Variants in MACROD2 observed in about 807,000 individuals in gnomAD.
MACROD2 encodes mono-ADP ribosylhydrolase 2.
Under a neutral mutation model 70.4 loss-of-function variants are expected in MACROD2, and 36 were observed. That is an observed-to-expected ratio of 0.51 (90% CI 0.39 to 0.68). The LOEUF (loss-of-function observed/expected upper bound fraction) is 0.68, where lower values mean the gene tolerates loss of function less well. Among genes scored for constraint, MACROD2 ranks in the 30% least tolerant of loss-of-function variants. MACROD2 has a pLI of 0.00. For missense variants in MACROD2, 496 were observed against 538.4 expected (o/e 0.92, Z 0.78); for synonymous variants, 172 against 178.8 (o/e 0.96, Z 0.30).
chr20:14,936,022 A>T (rs1474322177), intron 5 of MACROD2, among the ~76,000 whole-genome samples: 1 of 152,164 alleles, frequency 6.6e-6, no homozygotes, highest in African/African-American at 2.4e-5. Flanking sequence ...GGAATACCAT[A>T]AGGTACAAGA....
In MACROD2 at chr20:15,499,836, A is replaced by G. The variant is rs2047343124; in HGVS notation, c.634A>G (p.Asn212Asp). 7 of 1,613,676 alleles carry G rather than the reference A, an allele frequency of 4.3e-6. No individual in the cohort carries two copies. In the African/African-American group the frequency reaches 5.3e-5, roughly 12 times the overall value. Residue 212 changes from asparagine (N) to aspartate (D), a missense_variant, in exon 8 of 18, where the codon AAT (asparagine) becomes GAT (aspartate). Transcript: ENST00000684519. ...LNTIKEWLAKNHHEVDRIIFC... is the reference protein window; with the variant it reads ...LNTIKEWLAKDHHEVDRIIFC... ...CACCATTAAGGAATGGCTTGCCAAG[A>G]ATCACCATGAGGTAGGAGGAACGAC... is the stretch of plus-strand genomic sequence containing the variant.
At chr20:14,452,802 A>G (rs919878430) in intron 3 of MACROD2, among the ~76,000 whole-genome samples, 7 of 152,150 alleles carry the variant, frequency 4.6e-5, no homozygotes, top group Non-Finnish European at 1.0e-4. Flanking sequence ...GATTTGCCTG[A>G]AAGTAAAGAG....
At chr20:14,367,217 A>G (rs763780399) in intron 3 of MACROD2, among the ~76,000 whole-genome samples, 1 of 152,220 alleles carries the variant, frequency 6.6e-6, no homozygotes, top group Non-Finnish European at 1.5e-5. Context: ...TATAGATAAC[A>G]TCTTTATACA....
intron 8 of MACROD2, among the ~76,000 whole-genome samples, chr20:15,679,065 C>T (rs1052141360): frequency 4.6e-5 from 7 of 151,940 alleles, no homozygotes; most frequent in Non-Finnish European, 1.0e-4. Flanking sequence ...GGTGAAACCC[C>T]ATCTCTACTA....
chr20:15,975,364 T>A (rs1265810344), intron 13 of MACROD2, among the ~76,000 whole-genome samples: 1 of 152,078 alleles, frequency 6.6e-6, no homozygotes, highest in African/African-American at 2.4e-5. Context: ...CATACTTTGA[T>A]GGAAAAATTA....
chr20:14,656,510 T>C (rs1985985095), intron 4 of MACROD2, among the ~76,000 whole-genome samples: 2 of 152,240 alleles, frequency 1.3e-5, no homozygotes, highest in African/African-American at 4.8e-5. Flanking sequence ...TTTTCCTCTC[T>C]CTATGATATA....
intron 6 of MACROD2, among the ~76,000 whole-genome samples, chr20:15,403,604 T>C (rs2045959578): frequency 6.6e-6 from 1 of 152,218 alleles, no homozygotes; most frequent in African/African-American, 2.4e-5. Flanking sequence ...CAGACTCCTT[T>C]GCAGCTAGGT....
At chr20:15,852,230 T>G (rs986812491) in intron 8 of MACROD2, among the ~76,000 whole-genome samples, 1 of 152,196 alleles carries the variant, frequency 6.6e-6, no homozygotes, top group Non-Finnish European at 1.5e-5. Flanking sequence ...AAAATAACTC[T>G]TGGCTCCTCA....
At chr20:14,097,806 C>T (rs901237042) in intron 3 of MACROD2, among the ~76,000 whole-genome samples, 58 of 152,222 alleles carry the variant, frequency 3.8e-4, no homozygotes, top group African/African-American at 1.3e-3. Context: ...CATTTATGTT[C>T]ATATACACCT....
Position 14,433,575 on chromosome 20 carries a change from C to T in MACROD2, c.272-59904C>T, listed in dbSNP as rs138047223. Among the ~76,000 whole-genome samples the T allele has an allele frequency of 2.5e-3, 386 of 152,154 alleles. 6 individuals are homozygous for T. The highest frequency in any genetic ancestry group is 0.019 in the Admixed American group (289 of 15,266). ...AATCTTCATCAGATGGAAGTTTGGT[C>T]ATTCTTATTTAAACAGTGCAACCAT... On this transcript the variant is annotated intron_variant, in intron 3 of 17. Transcript: ENST00000684519.
At chr20:14,667,298 A>G (rs1284474379) in intron 4 of MACROD2, among the ~76,000 whole-genome samples, 1 of 152,072 alleles carries the variant, frequency 6.6e-6, no homozygotes, top group Non-Finnish European at 1.5e-5. Context: ...TGTCTCCTAA[A>G]TGTTCTCCCT....
At chr20:15,392,482 T>G (rs1052448817) in intron 6 of MACROD2, among the ~76,000 whole-genome samples, 1 of 151,996 alleles carries the variant, frequency 6.6e-6, no homozygotes, top group Non-Finnish European at 1.5e-5. Context: ...GTTGTTAGAC[T>G]TTTTTTTCCC....
chr20:14,842,151 C>A (rs1043770623), intron 5 of MACROD2, among the ~76,000 whole-genome samples: 1 of 152,030 alleles, frequency 6.6e-6, no homozygotes, highest in Admixed American at 6.6e-5. Context: ...CGAGACCGAC[C>A]GTTCTCTAGA....
chr20:14,392,637 T>C (rs907204248), intron 3 of MACROD2, among the ~76,000 whole-genome samples: 3 of 152,300 alleles, frequency 2.0e-5, no homozygotes, highest in African/African-American at 7.2e-5. Flanking sequence ...TATTTTATGG[T>C]TTTGCCATGA....
chr20:15,062,524 T>C (rs1279907949), intron 5 of MACROD2, among the ~76,000 whole-genome samples: 5 of 151,912 alleles, frequency 3.3e-5, no homozygotes, highest in African/African-American at 7.3e-5. Flanking sequence ...CTTATCATGA[T>C]ACCTGTAAAA....
intron 3 of MACROD2, among the ~76,000 whole-genome samples, chr20:14,303,115 A>G (rs2082490427): frequency 6.6e-6 from 1 of 152,180 alleles, no homozygotes; most frequent in East Asian, 1.9e-4. Flanking sequence ...ATTTATGGTA[A>G]AGGCAGAACA....
rs371142823 is a variant in MACROD2, at chr20:15,818,327, C to T, written c.646-44418C>T. Among the ~76,000 whole-genome samples, 8 of 152,254 alleles carry T rather than the reference C, an allele frequency of 5.3e-5. No individual in the cohort carries two copies. The South Asian group carries it at 6.2e-4, about 12-fold the overall frequency. On this transcript the variant is annotated intron_variant, in intron 8 of 17. Transcript: ENST00000684519. Reference sequence around the variant, plus strand: ...TATGCTAAACAAATTGTGAATTATTCGTGAGTTTCCTGGGAAAAGGGTGGG... The same window carrying T: ...TATGCTAAACAAATTGTGAATTATTTGTGAGTTTCCTGGGAAAAGGGTGGG...
rs561431843 is a variant in MACROD2 at position 14,046,837 on chromosome 20, G to A, written c.164-38784G>A. On this transcript the variant is annotated intron_variant, in intron 2 of 17. Transcript: ENST00000684519. ...GCAGTTTGAAAAACACTGCCTTAAA[G>A]AAACAAACAGAATAAGGATAGGGAT... is the stretch of plus-strand genomic sequence containing the variant. 2.1e-3 allele frequency among the ~76,000 whole-genome samples: 314 copies of A among 151,888 alleles called. 1 individual carries two copies. The highest frequency in any genetic ancestry group is 3.6e-3 in the Non-Finnish European group (243 of 67,970).
At chr20:15,452,688 C>T (rs1050828609) in intron 7 of MACROD2, among the ~76,000 whole-genome samples, 9 of 152,146 alleles carry the variant, frequency 5.9e-5, no homozygotes, top group African/African-American at 2.2e-4. Flanking sequence ...GCATTCACGG[C>T]TCTGCCATCT....
Sources: allele counts gnomAD v4.1 joint callset (sites outside exome capture counted in the v4.1 genomes callset), GRCh38; gene constraint gnomAD v4.1.1; transcripts MANE v1.5; gene names NCBI Gene and HGNC (gene_info 2026-07-23, HGNC 2026-07-21).